Variants in HERC2 observed in about 807,000 individuals in gnomAD.
The protein encoded by HERC2 is HECT and RLD domain containing E3 ubiquitin protein ligase 2.
A neutral mutation model predicts 537.7 loss-of-function variants in HERC2; 102 were observed. That is an observed-to-expected ratio of 0.19 (90% CI 0.16 to 0.22). The LOEUF (loss-of-function observed/expected upper bound fraction) is 0.22, where lower values mean the gene tolerates loss of function less well. Among genes scored for constraint, HERC2 ranks in the 10% least tolerant of loss-of-function variants. HERC2 has a pLI of 1.00. For synonymous variants in HERC2, 2,224 were observed against 2,466.2 expected, an observed-to-expected ratio of 0.90 and a Z score of 2.91; for missense variants, 4,236 against 6,198.2, an observed-to-expected ratio of 0.68 and a Z score of 10.63.
chr15:28,228,259 G>A lies in HERC2; in HGVS notation c.5423C>T (p.Ser1808Phe). The A allele has an allele frequency of 6.2e-7, 1 of 1,613,708 alleles. No homozygotes were observed. Among genetic ancestry groups the A allele is most frequent in the Non-Finnish European group, 8.5e-7 (1 of 1,179,862 alleles). The part of the protein sequence containing the change: ...GANNLDLLLN[S>F]GMLALTQTAL... ...CGTCTGCGTGAGGGCCAGCATGCCG[G>A]AATTGAGCAGAAGGTCGAGGTTGTT... The change falls in exon 35 of 93, where the codon TCC becomes TTC. Residue 1808 changes from serine to phenylalanine, a missense_variant. Ser to Phe is a radical substitution (Grantham distance 155). Around this residue, in one of 27 missense-constraint regions of HERC2, gnomAD observed 343 missense variants for 417.2 expected, o/e 0.82. Coordinates refer to ENST00000261609, the MANE Select transcript of HERC2 (RefSeq NM_004667.6).
At position 28,196,331 on chromosome 15, in the gene HERC2, G is replaced by A. The variant is rs761993299; in HGVS notation, c.8144C>T (p.Pro2715Leu). ...GVTCDGCQMFPINGSRFKCRN... is the reference protein window; with the variant it reads ...GVTCDGCQMFLINGSRFKCRN... Reference sequence around the variant, plus strand: ...GCATTTGAATCTGGATCCATTGATAGGAAACATCTGACATCCATCACACCT... The same window carrying A: ...GCATTTGAATCTGGATCCATTGATAAGAAACATCTGACATCCATCACACCT... The change falls in exon 52 of 93, where the codon CCT becomes CTT. Residue 2715 changes from proline to leucine, a missense_variant. Pro to Leu is a moderately conservative substitution (Grantham distance 98). Coordinates refer to ENST00000261609, the MANE Select transcript of HERC2 (RefSeq NM_004667.6). 9.9e-6 allele frequency: 14 copies of A among 1,415,882 alleles called. No individual in the cohort carries two copies. Among genetic ancestry groups the A allele is most frequent in the Non-Finnish European group, 1.1e-5 (11 of 1,024,986 alleles). 87.7% of individuals were successfully genotyped at this position (1,415,882 alleles called of 1,614,324 possible). A position where few individuals can be genotyped will look rare whatever the true frequency, so the allele number is the denominator to read the frequency against.
Position 28,229,305 on chromosome 15 carries a change from G to T in HERC2, c.5162C>A (p.Pro1721Gln). 1 of 1,612,122 alleles carries T rather than the reference G, an allele frequency of 6.2e-7. No homozygotes were observed. The highest frequency in any genetic ancestry group is 2.2e-5 in the East Asian group (1 of 44,876). The change falls in exon 34 of 93, where the codon CCG (proline) becomes CAG (glutamine). Residue 1721 changes from proline to glutamine, a missense_variant. Pro to Gln is a moderately conservative substitution (Grantham distance 76). This residue lies in a region of HERC2 where 343 missense variants were observed against 417.2 expected (regional missense o/e 0.82). Transcript: ENST00000261609. ...TTCCAGCAGCATCCGATTAAAAGGC[G>T]GGATCAAATCAACATCCTTTAAACA... ...TDCLKDVDLI[P>Q]PFNRMLLEVT...
At position 28,141,626 on chromosome 15, in the gene HERC2, G is replaced by A. The variant is rs1891231708; in HGVS notation, c.11821C>T (p.Pro3941Ser). The A allele has an allele frequency of 1.2e-6, 2 of 1,614,142 alleles. No homozygotes were observed. The change falls in exon 78 of 93, where the codon CCA (proline) becomes TCA (serine). Residue 3941 changes from proline (P) to serine (S), a missense_variant. Pro to Ser is a moderately conservative substitution (Grantham distance 74). Coordinates refer to ENST00000261609, the MANE Select transcript of HERC2 (RefSeq NM_004667.6). ...CCAGCAGAGAGAGTCCAGTCATCTG[G>A]TCGCCTACAATACACATCAAGTGAG... ...EQLVQWMNRR[P>S]DDWTLSAGGS...
rs755816058 is a variant in HERC2 at position 28,177,157 on chromosome 15, G to A, written c.9255-30C>T. ...AACAAGATGAAATCAGCTCTCTACAGTCAATCTGTCCCTTCTTAGAGATGA... is the reference window on the plus strand; with the variant it reads ...AACAAGATGAAATCAGCTCTCTACAATCAATCTGTCCCTTCTTAGAGATGA... On this transcript the variant is annotated intron_variant, in intron 60 of 92. Transcript: ENST00000261609. The surrounding 1 kb of genome is among the most constrained non-coding windows in gnomAD (Gnocchi z 5.0). 45 of 1,592,608 alleles carry A rather than the reference G, an allele frequency of 2.8e-5. No individual in the cohort carries two copies. The highest frequency in any genetic ancestry group is 3.8e-5 in the Non-Finnish European group (44 of 1,165,588).
chr15:28,293,072 A>T (rs777894417), intron 3 of HERC2, 50 bp from the exon 4 acceptor site: 2 of 1,549,830 alleles, frequency 1.3e-6, no homozygotes, highest in African/African-American at 1.4e-5. Context: ...AGAATGCCAT[A>T]CCATTAGTCT....
Position 28,176,400 on chromosome 15 carries a change from C to T in HERC2, c.9686+28G>A. On this transcript the variant is annotated intron_variant, in intron 63 of 92. Transcript: ENST00000261609. The surrounding 1 kb of genome is among the most constrained non-coding windows in gnomAD (Gnocchi z 5.0). ...CTGCACACACCTGCACAAGCACACA[C>T]AGTGTGACAGGGAGGACGTTTACGT... The T allele has an allele frequency of 6.2e-7, 1 of 1,611,278 alleles. No individual in the cohort carries two copies. The highest frequency in any genetic ancestry group is 8.5e-7 in the Non-Finnish European group (1 of 1,177,854).
intron 87 of HERC2, 54 bp from the exon 88 acceptor site, chr15:28,116,913 G>A (rs1888318675): frequency 1.2e-6 from 2 of 1,608,430 alleles, no homozygotes; most frequent in East Asian, 2.2e-5. Context: ...TGTGTAAAGA[G>A]AGCCCCAACG....
At chr15:28,198,813 A>C (rs1897607021) in intron 48 of HERC2, 44 bp from the exon 49 acceptor site, 1 of 1,508,822 alleles carries the variant, frequency 6.6e-7, no homozygotes, top group African/African-American at 1.4e-5. Context: ...TCATGTACAC[A>C]GGTGAAATGA....
Position 28,269,370 on chromosome 15 carries a change from G to A in HERC2, c.1324C>T (p.Pro442Ser). ...TTGGCCAGGCCTTCGCACTGGATTG[G>A]ACCAATCACATTGGCATAGTATTTC... is the stretch of plus-strand genomic sequence containing the variant. ...GWKYYANVIG[P>S]IQCEGLANLG... The change falls in exon 11 of 93, where the codon CCA becomes TCA. Residue 442 changes from proline (P) to serine (S), a missense_variant. Physicochemically the swap from Pro to Ser is moderately conservative, Grantham distance 74. This residue lies in a region of HERC2 where 491 missense variants were observed against 559.3 expected (regional missense o/e 0.88). Transcript: ENST00000261609. 6.2e-7 allele frequency: 1 copy of A among 1,614,102 alleles called. No individual in the cohort carries two copies. The highest frequency in any genetic ancestry group is 8.5e-7 in the Non-Finnish European group (1 of 1,180,008).
chr15:28,314,766 C>A (rs1338384679), intron 2 of HERC2, among the ~76,000 whole-genome samples: 1 of 151,560 alleles, frequency 6.6e-6, no homozygotes, highest in Non-Finnish European at 1.5e-5. Context: ...GAGTCTGAGG[C>A]AGGAGAATTG....
In HERC2 at chr15:28,192,390, G is replaced by C. The variant is rs75306855; in HGVS notation, c.8261-239C>G. 4.3e-3 allele frequency among the ~76,000 whole-genome samples: 655 copies of C among 152,280 alleles called. 7 individuals are homozygous for C. The highest frequency in any genetic ancestry group is 0.015 in the African/African-American group (615 of 41,552). ...TAAAACCTCCCAGGGAACAACAGCAGATTAATATATTTCCAAAGAAAACAA... is the reference window on the plus strand; with the variant it reads ...TAAAACCTCCCAGGGAACAACAGCACATTAATATATTTCCAAAGAAAACAA... On this transcript the variant is annotated intron_variant, in intron 52 of 92. Coordinates refer to ENST00000261609, the MANE Select transcript of HERC2 (RefSeq NM_004667.6).
intron 55 of HERC2, 140 bp from the exon 56 acceptor site, chr15:28,186,892 G>A (rs1043744147): frequency 3.8e-6 from 2 of 529,852 alleles, no homozygotes; most frequent in South Asian, 3.7e-5. Flanking sequence ...TATCAACTGA[G>A]TTACTCAAAG....
intron 59 of HERC2, among the ~76,000 whole-genome samples, chr15:28,178,061 C>G (rs1354950321): frequency 1.3e-5 from 2 of 152,220 alleles, no homozygotes; most frequent in Admixed American, 1.3e-4. Flanking sequence ...AACTCCTGGG[C>G]TTTGAGAACA....
intron 21 of HERC2, among the ~76,000 whole-genome samples, chr15:28,247,720 A>G (rs147365988): frequency 1.1e-3 from 164 of 151,974 alleles, no homozygotes; most frequent in Middle Eastern, 3.4e-3. Context: ...GAGCCACCAC[A>G]CCCAGCCTCC....
chr15:28,280,956 C>CAA (rs2076006867), intron 4 of HERC2, among the ~76,000 whole-genome samples: 1 of 151,862 alleles, frequency 6.6e-6, no homozygotes, highest in Admixed American at 6.6e-5. Flanking sequence ...CAATATTAGT[C>CAA]AATATTTATC....
Position 28,114,598 on chromosome 15 carries a change from G to A in HERC2, c.13913+14C>T, listed in dbSNP as rs7495441. 1,545,097 of 1,609,068 alleles carry A rather than the reference G, an allele frequency of 0.96. 751,615 individuals carry two copies. The highest frequency in any genetic ancestry group is 1 in the Non-Finnish European group (1,170,987 of 1,176,644). ...CTATTTATGTCAATGCAACAGAGACGGATGACCACCAACCTATAGTTTATC... is the reference window on the plus strand; with the variant it reads ...CTATTTATGTCAATGCAACAGAGACAGATGACCACCAACCTATAGTTTATC... On this transcript the variant is annotated intron_variant, in intron 90 of 92. Transcript: ENST00000261609.
chr15:28,132,053 C>T (rs1890167471), intron 81 of HERC2, 47 bp downstream of exon 81: 2 of 1,363,256 alleles, frequency 1.5e-6, no homozygotes, highest in Non-Finnish European at 2.0e-6. Flanking sequence ...GGGGGCCCGA[C>T]TGCGGTGAGC....
Position 28,175,497 on chromosome 15 carries a change from C to T in HERC2, c.9831+15G>A, listed in dbSNP as rs1348166736. 1 of 1,604,254 alleles carries T rather than the reference C, an allele frequency of 6.2e-7. No individual in the cohort carries two copies. Among genetic ancestry groups the T allele is most frequent in the South Asian group, 1.1e-5 (1 of 89,790 alleles). On this transcript the variant is annotated intron_variant, in intron 64 of 92. Transcript: ENST00000261609. ...TCAGGATGGCACGCCACCCCCAGGC[C>T]ACCTGCAGCCTTACCTGCCCCGAGT...
Position 28,169,120 on chromosome 15 carries a change from G to A in HERC2, c.10229+364C>T, listed in dbSNP as rs563231630. ...CAGCAGAAAAATACTGCAAAATGCC[G>A]CACTGGCAAAACTCAGCCTTCTCAA... On this transcript the variant is annotated intron_variant, in intron 66 of 92. Coordinates refer to ENST00000261609, the MANE Select transcript of HERC2 (RefSeq NM_004667.6). Among the ~76,000 whole-genome samples, 4 of 152,350 alleles carry A rather than the reference G, an allele frequency of 2.6e-5. No individual in the cohort carries two copies. The South Asian group carries it at 6.2e-4, about 24-fold the overall frequency.
Sources: gnomAD v4.1 joint callset for allele counts (sites outside exome capture counted in the v4.1 genomes callset) on GRCh38, gnomAD v4.1.1 for gene constraint, gnomAD v4.1.1 regional missense constraint, Gnocchi (gnomAD v3.1) non-coding constraint, MANE v1.5 for transcripts, NCBI Gene and HGNC (gene_info 2026-07-23, HGNC 2026-07-21) for gene names.